MACROD2: variants seen among roughly 807,000 people sequenced by gnomAD.
MACROD2 encodes mono-ADP ribosylhydrolase 2.
MACROD2 carries 36 observed loss-of-function variants against 70.4 expected under a neutral mutation model. The observed-to-expected ratio is 0.51, with a 90% CI of 0.39 to 0.68. The LOEUF (loss-of-function observed/expected upper bound fraction) is 0.68, where lower values mean the gene tolerates loss of function less well. MACROD2 is among the 30% of genes least tolerant of loss of function. The pLI, the probability that MACROD2 is intolerant of heterozygous loss-of-function variation, is 0.00. For synonymous variants in MACROD2, 172 were observed against 178.8 expected, an observed-to-expected ratio of 0.96 and a Z score of 0.30; for missense variants, 496 against 538.4, an observed-to-expected ratio of 0.92 and a Z score of 0.78.
intron 8 of MACROD2, among the ~76,000 whole-genome samples, chr20:15,857,254 C>A (rs1286299930): frequency 6.6e-6 from 1 of 152,186 alleles, no homozygotes. Flanking sequence ...GCCTGTCCAT[C>A]TGGACAGGGC....
chr20:14,620,966 A>G (rs948439219), intron 4 of MACROD2, among the ~76,000 whole-genome samples: 1 of 152,110 alleles, frequency 6.6e-6, no homozygotes, highest in Non-Finnish European at 1.5e-5. Context: ...TTCCAAGCAG[A>G]TGGTTTGTGG....
chr20:15,027,594 C>T lies in MACROD2; in HGVS notation c.419-202346C>T, dbSNP rs938221693. Among the ~76,000 whole-genome samples the T allele has an allele frequency of 5.9e-5, 9 of 151,510 alleles. No individual in the cohort carries two copies. The East Asian group carries it at 1.7e-3, about 29-fold the overall frequency. ...ATATCTATTTGTGAAAAAAGTTTAG[C>T]CTTGGCACAGTGGCTCATGCCTGTA... On this transcript the variant is annotated intron_variant, in intron 5 of 17. Coordinates refer to ENST00000684519, the MANE Select transcript of MACROD2 (RefSeq NM_001351661.2).
At chr20:15,341,871 C>G (rs2078113493) in intron 6 of MACROD2, among the ~76,000 whole-genome samples, 1 of 152,124 alleles carries the variant, frequency 6.6e-6, no homozygotes, top group East Asian at 1.9e-4. Context: ...GACAACATGG[C>G]AACAACCTGT....
chr20:15,721,837 A>G (rs539249338), intron 8 of MACROD2, among the ~76,000 whole-genome samples: 2 of 152,274 alleles, frequency 1.3e-5, no homozygotes, highest in African/African-American at 4.8e-5. Flanking sequence ...CATCCTTGCC[A>G]ACAATAATTA....
At chr20:14,390,256 CAAATGGG>C (rs1303827457) in intron 3 of MACROD2, among the ~76,000 whole-genome samples, 3 of 152,070 alleles carry the variant, frequency 2.0e-5, no homozygotes, top group Non-Finnish European at 4.4e-5. Flanking sequence ...ATGACACGAA[CAAATGGG>C]AAAATATTCC....
chr20:14,277,232 G>A (rs907055547), intron 3 of MACROD2, among the ~76,000 whole-genome samples: 1 of 152,146 alleles, frequency 6.6e-6, no homozygotes, highest in African/African-American at 2.4e-5. Flanking sequence ...GGCGGATCGT[G>A]AGTTCAGGAG....
intron 3 of MACROD2, among the ~76,000 whole-genome samples, chr20:14,381,197 A>G (rs761593416): frequency 2.6e-5 from 4 of 152,198 alleles, no homozygotes; most frequent in Non-Finnish European, 4.4e-5. Flanking sequence ...ACCTAATATG[A>G]ATATTCATAT....
chr20:14,151,996 TA>T (rs1382547518), intron 3 of MACROD2, among the ~76,000 whole-genome samples: 1 of 151,292 alleles, frequency 6.6e-6, no homozygotes, highest in African/African-American at 2.4e-5. Flanking sequence ...TAATATTTTG[TA>T]TTTTTAGTAG....
At chr20:14,782,037 C>T (rs1008271545) in intron 5 of MACROD2, among the ~76,000 whole-genome samples, 2 of 151,932 alleles carry the variant, frequency 1.3e-5, no homozygotes, top group Admixed American at 1.3e-4. Flanking sequence ...GATCCTCCCA[C>T]CTCAGCCTCC....
At chr20:15,168,025 A>G (rs900836734) in intron 5 of MACROD2, among the ~76,000 whole-genome samples, 1 of 152,218 alleles carries the variant, frequency 6.6e-6, no homozygotes, top group African/African-American at 2.4e-5. Context: ...AAACAAAAGT[A>G]GAAATAATAA....
intron 3 of MACROD2, among the ~76,000 whole-genome samples, chr20:14,303,219 A>C (rs1032198545): frequency 6.6e-6 from 1 of 152,152 alleles, no homozygotes; most frequent in Non-Finnish European, 1.5e-5. Context: ...TTTTTCAATG[A>C]AACTGACCAC....
chr20:14,482,663 AGAAAAG>A (rs374939000), intron 3 of MACROD2, among the ~76,000 whole-genome samples: 14 of 151,748 alleles, frequency 9.2e-5, no homozygotes, highest in African/African-American at 3.4e-4. Flanking sequence ...TGGAAAAAGA[AGAAAAG>A]GAAACATACG....
At chr20:14,723,727 CT>C (rs1409886437) in intron 5 of MACROD2, among the ~76,000 whole-genome samples, 2 of 151,758 alleles carry the variant, frequency 1.3e-5, no homozygotes, top group African/African-American at 4.8e-5. Context: ...TGCTATTCGG[CT>C]TTTCACAAAA....
chr20:15,483,985 C>A (rs1048836617), intron 7 of MACROD2, among the ~76,000 whole-genome samples: 1 of 151,952 alleles, frequency 6.6e-6, no homozygotes, highest in Non-Finnish European at 1.5e-5. Context: ...CCTACATAGA[C>A]AATCATGTCA....
At chr20:15,988,837 T>A (rs940833702) in intron 15 of MACROD2, among the ~76,000 whole-genome samples, 4 of 152,194 alleles carry the variant, frequency 2.6e-5, no homozygotes, top group African/African-American at 7.2e-5. Flanking sequence ...CTGCCTTGAA[T>A]ATTTCTGGTG....
At chr20:14,489,297 A>G (rs2084767928) in intron 3 of MACROD2, among the ~76,000 whole-genome samples, 1 of 152,194 alleles carries the variant, frequency 6.6e-6, no homozygotes, top group African/African-American at 2.4e-5. Flanking sequence ...CCAGATTGAT[A>G]GCTGTATTTG....
chr20:14,951,808 TC>T (rs2122733416), intron 5 of MACROD2, among the ~76,000 whole-genome samples: 1 of 152,224 alleles, frequency 6.6e-6, no homozygotes, highest in East Asian at 1.9e-4. Context: ...TTACCCTGTG[TC>T]CCTGCCTCCA....
At position 14,823,623 on chromosome 20, in the gene MACROD2, G is replaced by A. The variant is rs528098091; in HGVS notation, c.418+138664G>A. Among the ~76,000 whole-genome samples, 37 of 152,198 alleles carry A rather than the reference G, an allele frequency of 2.4e-4. 1 individual carries two copies. In the South Asian group the frequency reaches 6.8e-3, roughly 28 times the overall value. On this transcript the variant is annotated intron_variant, in intron 5 of 17. Transcript: ENST00000684519. ...AGAGTTGTCCTCTTCTTTACAAAGA[G>A]TCTTTCTGTGGATCCCATACATCAC...
rs33993940 is a variant in MACROD2 at position 15,846,911 on chromosome 20, T to TTATATATATATA, written c.646-15804_646-15793dup. On this transcript the variant is annotated intron_variant, in intron 8 of 17. Transcript: ENST00000684519. ...GACCTTGACATAGTCAAAAAAAAAA[T>TTATATATATATA]TATATATATATATATATATATATAT... Among the ~76,000 whole-genome samples, 366 of 137,868 alleles carry TTATATATATATA rather than the reference T, an allele frequency of 2.7e-3. 8 individuals are homozygous for TTATATATATATA. The highest frequency in any genetic ancestry group is 3.6e-3 in the Middle Eastern group (1 of 274). 90.4% of individuals were successfully genotyped at this position (137,868 alleles called of 152,430 possible). A position where few individuals can be genotyped will look rare whatever the true frequency, so the allele number is the denominator to read the frequency against.
Sources: allele counts gnomAD v4.1 joint callset (sites outside exome capture counted in the v4.1 genomes callset), GRCh38; gene constraint gnomAD v4.1.1; transcripts MANE v1.5; gene names NCBI Gene and HGNC (gene_info 2026-07-23, HGNC 2026-07-21).